The following KIAA0040 variants were observed in gnomAD, a reference collection of about 807,000 sequenced individuals.
The protein encoded by KIAA0040 is uncharacterized protein KIAA0040.
A neutral mutation model predicts 7.2 loss-of-function variants in KIAA0040; 10 were observed. The observed-to-expected ratio is 1.38, with a 90% CI of 0.85 to 2.34. KIAA0040 has a LOEUF of 2.34. KIAA0040 is among the 30% of genes most tolerant of loss of function. The pLI is 0.00. For synonymous variants in KIAA0040, 49 were observed against 40.1 expected, an observed-to-expected ratio of 1.22 and a Z score of -0.84; for missense variants, 89 against 108.2, an observed-to-expected ratio of 0.82 and a Z score of 0.79.
chr1:175,157,794 A>G lies in KIAA0040; in HGVS notation c.*2920T>C, dbSNP rs1676346369. ...CGGAGCCTGGCTAAAGCTGCTCAGA[A>G]GTCCAGGCCTAGGGGATGTCTTTCT... On this transcript the variant is annotated 3_prime_UTR_variant, in exon 4 of 4. Coordinates refer to ENST00000423313, the MANE Select transcript of KIAA0040 (RefSeq NM_014656.3). 1 of 152,104 alleles carries G rather than the reference A, an allele frequency of 6.6e-6. No individual in the cohort carries two copies. The highest frequency in any genetic ancestry group is 1.5e-5 in the Non-Finnish European group (1 of 68,082). The allele number at this position is 152,104 out of a possible 1,614,324, so 9.4% of individuals were successfully genotyped here.
intron 1 of KIAA0040, among the ~76,000 whole-genome samples, chr1:175,190,613 C>A (rs1468554096): frequency 6.6e-6 from 1 of 152,202 alleles, no homozygotes; most frequent in Admixed American, 6.5e-5. Flanking sequence ...TTCACTCATT[C>A]CTCCTTTACC....
chr1:175,180,781 C>A (rs1310756538), intron 1 of KIAA0040, among the ~76,000 whole-genome samples: 3 of 152,200 alleles, frequency 2.0e-5, no homozygotes, highest in Non-Finnish European at 2.9e-5. Context: ...AAGATTACAT[C>A]ACTTGGAAGT....
intron 1 of KIAA0040, among the ~76,000 whole-genome samples, chr1:175,187,615 T>A (rs768135587): frequency 4.6e-5 from 7 of 152,204 alleles, no homozygotes; most frequent in Non-Finnish European, 1.0e-4. Flanking sequence ...GTGGCCACTG[T>A]CACATGTCAT....
chr1:175,160,880 A>T lies in KIAA0040; in HGVS notation c.134T>A (p.Phe45Tyr). 1 of 1,551,498 alleles carries T rather than the reference A, an allele frequency of 6.4e-7. No homozygotes were observed. Among genetic ancestry groups the T allele is most frequent in the Non-Finnish European group, 8.7e-7 (1 of 1,146,972 alleles). The change falls in exon 4 of 4, where the codon TTC becomes TAC. Residue 45 changes from phenylalanine (F) to tyrosine (Y), a missense_variant. Phe to Tyr is a conservative substitution (Grantham distance 22). Coordinates refer to ENST00000423313, the MANE Select transcript of KIAA0040 (RefSeq NM_014656.3). ...GCTCCAGCAGCAATGGCAACAGATG[A>T]AGAGGAGTGTGATGATCACCAAGAG... ...LPLLVIITLL[F>Y]ICCHCCWSPP... is the part of the protein sequence containing the mutation.
chr1:175,191,784 A>G (rs1309882792), intron 1 of KIAA0040, among the ~76,000 whole-genome samples: 1 of 152,192 alleles, frequency 6.6e-6, no homozygotes, highest in African/African-American at 2.4e-5. Context: ...TTTAGAAGGG[A>G]GGAGCTTCCA....
chr1:175,179,377 G>A (rs1677346755), intron 1 of KIAA0040, among the ~76,000 whole-genome samples: 3 of 152,096 alleles, frequency 2.0e-5, no homozygotes, highest in African/African-American at 4.8e-5. Context: ...TCGGGATTAC[G>A]CAGGATTAAG....
At position 175,176,018 on chromosome 1, in the gene KIAA0040, G is replaced by A. The variant is rs530442580; in HGVS notation, c.-310+1593C>T. On this transcript the variant is annotated intron_variant, in intron 2 of 3. Transcript: ENST00000423313. ...GTGCACATGTACCCTAGAACTTAAA[G>A]TATAATAAAAAATAAAAATAAAAAA... Among the ~76,000 whole-genome samples, 227 of 152,212 alleles carry A rather than the reference G, an allele frequency of 1.5e-3. 1 individual carries two copies. Among genetic ancestry groups the A allele is most frequent in the Admixed American group, 2.7e-3 (41 of 15,292 alleles).
chr1:175,182,917 C>T (rs772493657), intron 1 of KIAA0040, among the ~76,000 whole-genome samples: 3 of 152,084 alleles, frequency 2.0e-5, no homozygotes, highest in Non-Finnish European at 2.9e-5. Context: ...TGCTGGGGCC[C>T]AATGCTGAGG....
chr1:175,162,925 T>C (rs990559728), intron 3 of KIAA0040, among the ~76,000 whole-genome samples: 1 of 152,216 alleles, frequency 6.6e-6, no homozygotes, highest in African/African-American at 2.4e-5. Flanking sequence ...AGCCAACTTT[T>C]AGTAAGCAGT....
chr1:175,157,078 TACACACACTTAC>T lies in KIAA0040; in HGVS notation c.*3624_*3635del, dbSNP rs1305062529. 2 of 152,106 alleles carry T rather than the reference TACACACACTTAC, an allele frequency of 1.3e-5. No individual in the cohort carries two copies. The highest frequency in any genetic ancestry group is 1.9e-4 in the East Asian group (1 of 5,190). The allele number at this position is 152,106 out of a possible 1,614,324, so 9.4% of individuals were successfully genotyped here. A position where few individuals can be genotyped will look rare whatever the true frequency, so the allele number is the denominator to read the frequency against. ...CCATATTGAACCATATTGAACAGTG[TACACACACTTAC>T]ACACACACATACACACAGTTTTTGC... On this transcript the variant is annotated 3_prime_UTR_variant, in exon 4 of 4. Transcript: ENST00000423313.
At chr1:175,170,378 A>G (rs915105104) in intron 2 of KIAA0040, among the ~76,000 whole-genome samples, 1 of 151,960 alleles carries the variant, frequency 6.6e-6, no homozygotes, top group Non-Finnish European at 1.5e-5. Context: ...CCTTCTTTCA[A>G]TTCGTCTTTC....
At chr1:175,184,730 AG>A (rs1432702503) in intron 1 of KIAA0040, among the ~76,000 whole-genome samples, 5 of 152,196 alleles carry the variant, frequency 3.3e-5, no homozygotes, top group African/African-American at 1.2e-4. Flanking sequence ...AACATTACCA[AG>A]GGCCCCACAG....
In KIAA0040 at chr1:175,160,582, G is replaced by C. The variant is rs550943961; in HGVS notation, c.*132C>G. 4.5e-6 allele frequency: 4 copies of C among 894,222 alleles called. No homozygotes were observed. Among genetic ancestry groups the C allele is most frequent in the Non-Finnish European group, 5.0e-6 (3 of 605,582 alleles). 55.4% of individuals were successfully genotyped at this position (894,222 alleles called of 1,614,324 possible). ...CCTCCACTGGGACACTTAGTCTGAG[G>C]TTTGTTCCTTGGTTGAGTAGTTACT... On this transcript the variant is annotated 3_prime_UTR_variant, in exon 4 of 4. Coordinates refer to ENST00000423313, the MANE Select transcript of KIAA0040 (RefSeq NM_014656.3).
intron 2 of KIAA0040, among the ~76,000 whole-genome samples, chr1:175,176,702 C>CTTTTTTTTTTTTTTT (rs1677212623): frequency 5.0e-5 from 1 of 20,100 alleles, no homozygotes; most frequent in Non-Finnish European, 1.1e-4. Context: ...TTTTTTTTTG[C>CTTTTTTTTTTTTTTT]TTCAGCACCT....
chr1:175,177,091 T>TG (rs912798794), intron 2 of KIAA0040, among the ~76,000 whole-genome samples: 11 of 152,098 alleles, frequency 7.2e-5, no homozygotes, highest in Admixed American at 3.3e-4. Flanking sequence ...TTAAGGCCAC[T>TG]GGGAGGTAGG....
At chr1:175,188,748 C>A (rs916773799) in intron 1 of KIAA0040, among the ~76,000 whole-genome samples, 3 of 152,148 alleles carry the variant, frequency 2.0e-5, no homozygotes, top group African/African-American at 7.2e-5. Context: ...ACAGAAGAGA[C>A]GAGGGTGGTA....
chr1:175,176,668 G>GATTT (rs1491339555), intron 2 of KIAA0040, among the ~76,000 whole-genome samples: 1 of 19,398 alleles, frequency 5.2e-5, no homozygotes. Flanking sequence ...TAAGTAGCAT[G>GATTT]CTTTTTTTTT....
intron 1 of KIAA0040, among the ~76,000 whole-genome samples, chr1:175,189,487 T>C (rs1677788485): frequency 6.6e-6 from 1 of 152,098 alleles, no homozygotes; most frequent in Non-Finnish European, 1.5e-5. Flanking sequence ...TAGCAGAGCA[T>C]TGACTTCTTT....
intron 2 of KIAA0040, among the ~76,000 whole-genome samples, chr1:175,175,792 C>T (rs1230830076): frequency 2.0e-5 from 3 of 152,236 alleles, no homozygotes; most frequent in East Asian, 1.9e-4. Context: ...AACCAAACAC[C>T]TCATGTTCTC....
Sources: gnomAD v4.1 joint callset for allele counts (sites outside exome capture counted in the v4.1 genomes callset) on GRCh38, gnomAD v4.1.1 for gene constraint, MANE v1.5 for transcripts, NCBI Gene and HGNC (gene_info 2026-07-23, HGNC 2026-07-21) for gene names.